The following RB1 variants were observed in gnomAD, a reference collection of about 807,000 sequenced individuals.
RB1 encodes the protein RB transcriptional corepressor 1.
A neutral mutation model predicts 135.4 loss-of-function variants in RB1; 18 were observed. The ratio of observed to expected loss-of-function variants is 0.13; its 90% CI spans 0.09 to 0.20. RB1 has a LOEUF of 0.20. Among genes scored for constraint, RB1 ranks in the 10% least tolerant of loss-of-function variants. The pLI, the probability that RB1 is intolerant of heterozygous loss-of-function variation, is 1.00. For synonymous variants in RB1, 365 were observed against 373.2 expected, an observed-to-expected ratio of 0.98 and a Z score of 0.25; for missense variants, 868 against 1,110.0, an observed-to-expected ratio of 0.78 and a Z score of 3.10.
intron 17 of RB1, chr13:48,424,222 G>A (rs1421898412): frequency 6.6e-6 from 1 of 152,180 alleles, no homozygotes; most frequent in Admixed American, 6.5e-5. Flanking sequence ...ATATCTTTTA[G>A]CCTAAGGAGA....
Position 48,315,885 on chromosome 13 carries a change from T to A in RB1, c.264+8479T>A, listed in dbSNP as rs1158288338. On this transcript the variant is annotated intron_variant, in intron 2 of 26. Transcript: ENST00000267163. ...CCAGTAGTGGGATTGCTGGATCGAATGGTTGATCTGCTTCTAGTTCTTTGA... is the reference window on the plus strand; with the variant it reads ...CCAGTAGTGGGATTGCTGGATCGAAAGGTTGATCTGCTTCTAGTTCTTTGA... Among the ~76,000 whole-genome samples the A allele has an allele frequency of 3.9e-5, 6 of 152,246 alleles. No individual in the cohort carries two copies. The East Asian group carries it at 1.2e-3, about 29-fold the overall frequency.
intron 19 of RB1, among the ~76,000 whole-genome samples, chr13:48,456,631 A>T (rs1372477407): frequency 6.6e-6 from 1 of 152,086 alleles, no homozygotes; most frequent in East Asian, 1.9e-4. Context: ...GACAGGCTGC[A>T]CTCGGCTCAC....
chr13:48,389,184 T>A (rs1956597692), intron 17 of RB1, among the ~76,000 whole-genome samples: 1 of 151,502 alleles, frequency 6.6e-6, no homozygotes, highest in African/African-American at 2.4e-5. Flanking sequence ...TAAAATTAAA[T>A]TAAATTAAAA....
intron 14 of RB1, 29 bp from the exon 15 acceptor site, chr13:48,380,024 T>G: frequency 5.4e-6 from 2 of 367,596 alleles, no homozygotes; most frequent in East Asian, 1.0e-4. Flanking sequence ...AAACAACTTC[T>G]TTTTTTTTTT....
At chr13:48,337,940 G>C (rs61948348) in intron 2 of RB1, among the ~76,000 whole-genome samples, 14,242 of 152,168 alleles carry the variant, frequency 0.094, 869 homozygotes, top group South Asian at 0.13. Context: ...CACTTATGAA[G>C]CCTAGTTTGG....
At chr13:48,413,271 C>T (rs534843444) in intron 17 of RB1, among the ~76,000 whole-genome samples, 1 of 152,328 alleles carries the variant, frequency 6.6e-6, no homozygotes, top group South Asian at 2.1e-4. Flanking sequence ...CAAATGGTCA[C>T]TGGCTGTTGA....
At chr13:48,478,581 T>C (rs1949517978) in intron 26 of RB1, among the ~76,000 whole-genome samples, 2 of 152,190 alleles carry the variant, frequency 1.3e-5, no homozygotes, top group South Asian at 2.1e-4. Flanking sequence ...TCAGTTGCTA[T>C]AGTTAGTACA....
intron 17 of RB1, chr13:48,415,665 A>G (rs1424465753): frequency 6.6e-6 from 1 of 152,296 alleles, no homozygotes; most frequent in East Asian, 1.9e-4. Context: ...TTTCATTATT[A>G]TCAGTATCAT....
intron 8 of RB1, among the ~76,000 whole-genome samples, chr13:48,364,530 T>C (rs1186993223): frequency 6.6e-6 from 1 of 152,196 alleles, no homozygotes; most frequent in African/African-American, 2.4e-5. Flanking sequence ...GTGAATTCAA[T>C]CTTTATGTTA....
intron 2 of RB1, chr13:48,320,423 C>A: frequency 1.8e-6 from 2 of 1,086,244 alleles, no homozygotes; most frequent in Non-Finnish European, 1.4e-6. Context: ...GGGCCAAAGG[C>A]CTCCCATTTG....
At chr13:48,379,493 C>T in intron 13 of RB1, 101 bp from the exon 14 acceptor site, 1 of 1,461,350 alleles carries the variant, frequency 6.8e-7, no homozygotes, top group South Asian at 1.3e-5. Flanking sequence ...GAAGGCCAGC[C>T]TGGGCAAAAC....
chr13:48,443,061 A>T (rs1015723752), intron 17 of RB1, among the ~76,000 whole-genome samples: 2 of 152,062 alleles, frequency 1.3e-5, no homozygotes, highest in African/African-American at 4.8e-5. Context: ...AATCCATTTG[A>T]AACACATTTT....
intron 13 of RB1, among the ~76,000 whole-genome samples, 153 bp from the exon 14 acceptor site, chr13:48,379,441 T>C (rs1295622757): frequency 6.6e-6 from 1 of 152,022 alleles, no homozygotes; most frequent in Non-Finnish European, 1.5e-5. Flanking sequence ...TCCCAGCCTC[T>C]TGGGAGGCCA....
At chr13:48,389,021 C>G (rs1948592450) in intron 17 of RB1, among the ~76,000 whole-genome samples, 1 of 151,646 alleles carries the variant, frequency 6.6e-6, no homozygotes, top group African/African-American at 2.4e-5. Flanking sequence ...TTAGCTGGGC[C>G]TGGTGGTGAA....
At chr13:48,432,069 A>G (rs1320485761) in intron 17 of RB1, among the ~76,000 whole-genome samples, 1 of 152,190 alleles carries the variant, frequency 6.6e-6, no homozygotes, top group Non-Finnish European at 1.5e-5. Context: ...TTCTCTGAAG[A>G]AAAATAATTT....
chr13:48,424,896 T>C (rs891975238), intron 17 of RB1, among the ~76,000 whole-genome samples: 2 of 151,766 alleles, frequency 1.3e-5, no homozygotes, highest in South Asian at 4.2e-4. Context: ...CTACTAAAAA[T>C]ACAAAATGTT....
At chr13:48,364,868 T>C (rs1276957035) in intron 8 of RB1, 26 bp from the exon 9 acceptor site, 2 of 1,545,410 alleles carry the variant, frequency 1.3e-6, no homozygotes, top group African/African-American at 1.4e-5. Context: ...ATTTTAATGA[T>C]CATGTTGTAA....
In RB1 at chr13:48,376,022, A is replaced by T. The variant is rs1483749907; in HGVS notation, c.1216-896A>T. 2.6e-5 allele frequency among the ~76,000 whole-genome samples: 4 copies of T among 151,772 alleles called. No individual in the cohort carries two copies. The East Asian group carries it at 7.7e-4, about 29-fold the overall frequency. On this transcript the variant is annotated intron_variant, in intron 12 of 26. Coordinates refer to ENST00000267163, the MANE Select transcript of RB1 (RefSeq NM_000321.3). The stretch of plus-strand genomic sequence containing the variant: ...TTATATATCATAATATGAATTATAT[A>T]ATATTATATAATATGCATTTTAATA...
At position 48,440,015 on chromosome 13, in the gene RB1, G is replaced by A. The variant is rs4151570; in HGVS notation, c.1696-12978G>A. Among the ~76,000 whole-genome samples the A allele has an allele frequency of 8.5e-3, 1,287 of 152,188 alleles. 16 individuals are homozygous for A. Among genetic ancestry groups the A allele is most frequent in the African/African-American group, 0.03 (1,244 of 41,526 alleles). On this transcript the variant is annotated intron_variant, in intron 17 of 26. Transcript: ENST00000267163. ...ATATTTTTATATGTATATGAGAGAA[G>A]TATCAGGAATAGGGTAGGAAGGAGA...
Sources: allele counts gnomAD v4.1 joint callset (sites outside exome capture counted in the v4.1 genomes callset), GRCh38; gene constraint gnomAD v4.1.1; transcripts MANE v1.5; gene names NCBI Gene and HGNC (gene_info 2026-07-23, HGNC 2026-07-21).